Variants in LBP observed in about 807,000 individuals in gnomAD.
The protein encoded by LBP is lipopolysaccharide-binding protein.
Under a neutral mutation model 56.6 loss-of-function variants are expected in LBP, and 53 were observed. That is an observed-to-expected ratio of 0.94 (90% confidence interval 0.75 to 1.18). The LOEUF is 1.18. LBP is among the 50% of genes most tolerant of loss of function. The pLI is 0.00. For synonymous variants in LBP, 227 were observed against 247.5 expected, an observed-to-expected ratio of 0.92 and a Z score of 0.78; for missense variants, 601 against 598.3, an observed-to-expected ratio of 1.00 and a Z score of -0.05.
At chr20:38,356,408 CCA>C (rs1175347834) in intron 5 of LBP, among the ~76,000 whole-genome samples, 101 of 108,898 alleles carry the variant, frequency 9.3e-4, no homozygotes, top group African/African-American at 3.9e-3. Context: ...ACCCCCCACA[CCA>C]CACACACGCG....
chr20:38,364,687 T>C lies in LBP; in HGVS notation c.856T>C (p.Phe286Leu). Residue 286 changes from phenylalanine (F) to leucine (L), a missense_variant, in exon 8 of 15, where the codon TTC becomes CTC. Transcript: ENST00000217407. The part of the protein sequence containing the change: ...MVYFAISDYV[F>L]NTASLVYHEE... ...CTACTTTGCCATCTCGGATTATGTC[T>C]TCAACACGGCCAGCCTGGTTTATCA... 1 of 1,614,136 alleles carries C rather than the reference T, an allele frequency of 6.2e-7. No homozygotes were observed. The highest frequency in any genetic ancestry group is 1.3e-5 in the African/African-American group (1 of 75,036).
At chr20:38,350,143 G>A (rs912487836) in intron 2 of LBP, among the ~76,000 whole-genome samples, 7 of 152,262 alleles carry the variant, frequency 4.6e-5, no homozygotes, top group South Asian at 2.1e-4. Context: ...TTAAAAGAGC[G>A]TGAACTGCTT....
intron 14 of LBP, among the ~76,000 whole-genome samples, chr20:38,376,392 G>A (rs532744699): frequency 8.5e-5 from 13 of 152,276 alleles, no homozygotes; most frequent in Admixed American, 2.6e-4. Context: ...GAGGCCTGCC[G>A]GGCAGCAGCA....
Position 38,369,008 on chromosome 20 carries a change from A to G in LBP, c.995A>G (p.Tyr332Cys). 1 of 1,614,042 alleles carries G rather than the reference A, an allele frequency of 6.2e-7. No individual in the cohort carries two copies. Among genetic ancestry groups the G allele is most frequent in the Middle Eastern group, 1.6e-4 (1 of 6,062 alleles). The change falls in exon 10 of 15, where the codon TAC becomes TGC. Residue 332 changes from tyrosine to cysteine, a missense_variant. Transcript: ENST00000217407. Reference sequence around the variant, plus strand: ...TTCTGCTCCCAGTTAGCCAGGCTCTACCCCAACATGAACCTGGAACTCCAG... The same window carrying G: ...TTCTGCTCCCAGTTAGCCAGGCTCTGCCCCAACATGAACCTGGAACTCCAG... The part of the protein sequence containing the change: ...RPFVPRLARL[Y>C]PNMNLELQGS...
chr20:38,360,789 G>T, intron 6 of LBP, 22 bp downstream of exon 6: 1 of 1,567,456 alleles, frequency 6.4e-7, no homozygotes, highest in Non-Finnish European at 8.8e-7. Flanking sequence ...CATCCATCCC[G>T]GGACACTTTT....
chr20:38,346,691 G>T (rs758178343), intron 1 of LBP, 51 bp downstream of exon 1: 4 of 1,607,770 alleles, frequency 2.5e-6, no homozygotes, highest in East Asian at 4.5e-5. Context: ...GCTCCAGGCT[G>T]CTCTGGGTAC....
At chr20:38,349,765 G>A in intron 2 of LBP, 103 bp downstream of exon 2, 1 of 820,906 alleles carries the variant, frequency 1.2e-6, no homozygotes, top group Non-Finnish European at 1.9e-6. Context: ...GCTGTGGGGG[G>A]ACCTCTCCGG....
chr20:38,364,688 TC>T lies in LBP; in HGVS notation c.858del (p.Phe286LeufsTer14), dbSNP rs755112392. 5.0e-6 allele frequency: 8 copies of T among 1,614,024 alleles called. No homozygotes were observed. The Admixed American group carries it at 1.3e-4, about 27-fold the overall frequency. On this transcript the variant is annotated frameshift_variant, in exon 8 of 15. Transcript: ENST00000217407. LOFTEE classifies it high-confidence loss of function. ...MVYFAISDYV[F>X]NTASLVYHEE... is the part of the protein sequence containing the mutation. ...TACTTTGCCATCTCGGATTATGTCT[TC>T]AACACGGCCAGCCTGGTTTATCATG...
chr20:38,354,222 C>T (rs1600723225), intron 3 of LBP, 62 bp from the exon 4 acceptor site: 2 of 1,453,970 alleles, frequency 1.4e-6, no homozygotes, highest in Non-Finnish European at 9.4e-7. Context: ...TTCTATTTTC[C>T]CCACAAATGG....
chr20:38,362,788 A>G (rs1343047794), intron 6 of LBP, among the ~76,000 whole-genome samples: 1 of 151,900 alleles, frequency 6.6e-6, no homozygotes, highest in Non-Finnish European at 1.5e-5. Flanking sequence ...TCTCTACAAT[A>G]AATACAAAAA....
chr20:38,368,143 GA>G (rs1390000883), intron 9 of LBP, among the ~76,000 whole-genome samples: 1 of 152,104 alleles, frequency 6.6e-6, no homozygotes, highest in Non-Finnish European at 1.5e-5. Context: ...GAAATGGTGG[GA>G]TCCAGCTGTG....
chr20:38,368,968 G>A (rs1223611318), intron 9 of LBP, 27 bp from the exon 10 acceptor site: 11 of 1,611,260 alleles, frequency 6.8e-6, no homozygotes, highest in Non-Finnish European at 8.5e-6. Flanking sequence ...TTCTTCTCTT[G>A]ATGTAATCTC....
chr20:38,370,261 A>G (rs576642522), intron 10 of LBP, among the ~76,000 whole-genome samples: 33 of 152,222 alleles, frequency 2.2e-4, no homozygotes, highest in South Asian at 4.2e-4. Flanking sequence ...CTGTAGTCCT[A>G]TCTACTCAGG....
At chr20:38,369,602 G>A (rs1255678495) in intron 10 of LBP, among the ~76,000 whole-genome samples, 1 of 152,222 alleles carries the variant, frequency 6.6e-6, no homozygotes, top group Non-Finnish European at 1.5e-5. Context: ...TGATGGCGGG[G>A]AGGAAGGATG....
In LBP at chr20:38,369,163, GT is replaced by G. The variant is rs142528692; in HGVS notation, c.1149+2del. Reference sequence around the variant, plus strand: ...GGAGCCTGTCTTCCGGCTCAGTGTGGTAAGGTTCAGAGCCTTTGCAAATGCT... The same window carrying G: ...GGAGCCTGTCTTCCGGCTCAGTGTGGAAGGTTCAGAGCCTTTGCAAATGCT... On this transcript the variant is annotated splice_donor_variant, in intron 10 of 14. Coordinates refer to ENST00000217407, the MANE Select transcript of LBP (RefSeq NM_004139.5). LOFTEE classifies it high-confidence loss of function. 2.0e-4 allele frequency: 318 copies of G among 1,613,368 alleles called. 5 individuals carry two copies. The East Asian group carries it at 6.3e-3, about 32-fold the overall frequency.
At chr20:38,356,038 TGGA>T (rs1388844279) in intron 5 of LBP, among the ~76,000 whole-genome samples, 3 of 148,212 alleles carry the variant, frequency 2.0e-5, no homozygotes, top group Non-Finnish European at 4.5e-5. Flanking sequence ...GAGAAAGTGA[TGGA>T]GGAGGAAAGG....
chr20:38,354,844 A>G (rs926600502), intron 4 of LBP, among the ~76,000 whole-genome samples: 1 of 152,118 alleles, frequency 6.6e-6, no homozygotes, highest in Admixed American at 6.5e-5. Context: ...ACAATTTGAG[A>G]CGCCAAGGCA....
chr20:38,358,952 G>A (rs961638015), intron 5 of LBP, among the ~76,000 whole-genome samples: 1 of 152,174 alleles, frequency 6.6e-6, no homozygotes, highest in Non-Finnish European at 1.5e-5. Context: ...CCCCCTCTTC[G>A]AGCTGTGTCA....
At chr20:38,350,699 G>T in intron 2 of LBP, 112 bp from the exon 3 acceptor site, 1 of 1,244,722 alleles carries the variant, frequency 8.0e-7, no homozygotes. Context: ...GTGCTTACCT[G>T]GAGCAGATCC....
Sources: gnomAD v4.1 joint callset for allele counts (sites outside exome capture counted in the v4.1 genomes callset) on GRCh38, gnomAD v4.1.1 for gene constraint, MANE v1.5 for transcripts, NCBI Gene and HGNC (gene_info 2026-07-23, HGNC 2026-07-21) for gene names.